Variants in ZC3H12B observed in about 807,000 individuals in gnomAD.
The protein encoded by ZC3H12B is probable ribonuclease ZC3H12B.
Under a neutral mutation model 43.9 loss-of-function variants are expected in ZC3H12B, and 7 were observed. The observed-to-expected ratio is 0.16, with a 90% CI of 0.09 to 0.30. The LOEUF (loss-of-function observed/expected upper bound fraction) is 0.30. ZC3H12B is among the 10% of genes least tolerant of loss of function. ZC3H12B has a pLI of 1.00. For synonymous variants in ZC3H12B, 222 were observed against 241.7 expected, an observed-to-expected ratio of 0.92 and a Z score of 0.76; for missense variants, 475 against 670.2, an observed-to-expected ratio of 0.71 and a Z score of 3.22.
the ZC3H12B span, among the ~76,000 whole-genome samples, chrX:65,153,394 A>G: frequency 2.8e-4 from 31 of 112,346 alleles, no homozygotes; most frequent in East Asian, 7.8e-3. Flanking sequence ...CAAGAAAAAA[A>G]CAACCCCATC....
the ZC3H12B span, among the ~76,000 whole-genome samples, chrX:65,094,866 C>T: frequency 8.9e-6 from 1 of 111,885 alleles, no homozygotes; most frequent in African/African-American, 3.2e-5. Flanking sequence ...GGAAAAAACA[C>T]TTGTGTGTTT....
intron 3 of ZC3H12B, among the ~76,000 whole-genome samples, chrX:65,403,429 A>T (rs1438190170): frequency 8.9e-6 from 1 of 112,039 alleles, no homozygotes; most frequent in Non-Finnish European, 1.9e-5. Context: ...ATAATAAAAG[A>T]GATATTTTCA....
intron 3 of ZC3H12B, among the ~76,000 whole-genome samples, chrX:65,417,244 G>A (rs1458589603): frequency 2.7e-5 from 3 of 111,121 alleles, no homozygotes; most frequent in South Asian, 7.5e-4. Flanking sequence ...TTATATAGTA[G>A]GTATTTTGTA....
At chrX:65,070,766 C>T in the ZC3H12B span, among the ~76,000 whole-genome samples, 1 of 100,070 alleles carries the variant, frequency 1.0e-5, no homozygotes, top group East Asian at 3.1e-4. Flanking sequence ...TTAGCCTTGA[C>T]TTCTATTTGT....
At chrX:65,052,626 G>A in the ZC3H12B span, among the ~76,000 whole-genome samples, 1 of 110,974 alleles carries the variant, frequency 9.0e-6, no homozygotes, top group Admixed American at 9.6e-5. Context: ...CTTTTTTGTG[G>A]TTGAGTAGTA....
chrX:65,315,970 A>G, the ZC3H12B span, among the ~76,000 whole-genome samples: 1 of 112,038 alleles, frequency 8.9e-6, no homozygotes, highest in African/African-American at 3.2e-5. Context: ...ATTTTTAAGA[A>G]AGAACCAAAC....
chrX:65,429,042 C>T (rs1294530581), intron 3 of ZC3H12B, among the ~76,000 whole-genome samples: 2 of 112,012 alleles, frequency 1.8e-5, no homozygotes, highest in Admixed American at 1.9e-4. Context: ...CCACTCCAGA[C>T]CCTAGTTGCC....
At chrX:65,321,801 A>G in the ZC3H12B span, among the ~76,000 whole-genome samples, 1 of 111,230 alleles carries the variant, frequency 9.0e-6, no homozygotes, top group African/African-American at 3.3e-5. Flanking sequence ...ACAGAAAAAC[A>G]AATGTCACAT....
chrX:65,493,033 G>A (rs1431159182), intron 1 of ZC3H12B, among the ~76,000 whole-genome samples: 2 of 111,268 alleles, frequency 1.8e-5, no homozygotes, highest in Admixed American at 1.9e-4. Context: ...AGCCCAGGGA[G>A]GTTGAGGCTG....
At chrX:65,495,661 C>A (rs1160002651) in intron 1 of ZC3H12B, among the ~76,000 whole-genome samples, 1 of 111,787 alleles carries the variant, frequency 8.9e-6, no homozygotes, top group African/African-American at 3.3e-5. Context: ...CACTAGATAC[C>A]ATGCTAAGAG....
At chrX:65,327,301 A>G in the ZC3H12B span, among the ~76,000 whole-genome samples, 1 of 111,595 alleles carries the variant, frequency 9.0e-6, no homozygotes, top group South Asian at 3.6e-4. Context: ...ATATCGATAT[A>G]TAGATATACA....
chrX:65,491,056 GA>G lies in ZC3H12B; in HGVS notation c.608+1653del, dbSNP rs749062178. Reference sequence around the variant, plus strand: ...CTCACAGCAACTTTATCTTACAGATGAAAAAATAAGGCTCAGCAAAGGTAAG... The same window carrying G: ...CTCACAGCAACTTTATCTTACAGATGAAAAATAAGGCTCAGCAAAGGTAAG... On this transcript the variant is annotated intron_variant, in intron 1 of 4. Coordinates refer to ENST00000338957, the Ensembl canonical transcript of ZC3H12B. Among the ~76,000 whole-genome samples the G allele has an allele frequency of 1.4e-3, 152 of 111,833 alleles. 1 individual carries two copies. The highest frequency in any genetic ancestry group is 4.8e-3 in the African/African-American group (149 of 30,808).
chrX:65,094,260 C>CTT, the ZC3H12B span, among the ~76,000 whole-genome samples: 26 of 96,594 alleles, frequency 2.7e-4, 1 homozygote, highest in South Asian at 9.5e-4. Context: ...AATTAAGCCT[C>CTT]TTTTTTTTTT....
the ZC3H12B span, among the ~76,000 whole-genome samples, chrX:65,233,371 CA>C: frequency 9.0e-6 from 1 of 110,623 alleles, no homozygotes; most frequent in Admixed American, 9.7e-5. Flanking sequence ...TTAAGTAATT[CA>C]AAAAAATTGA....
the ZC3H12B span, among the ~76,000 whole-genome samples, chrX:65,288,247 T>A: frequency 9.0e-6 from 1 of 110,544 alleles, no homozygotes; most frequent in African/African-American, 3.3e-5. Context: ...CTTATACCAA[T>A]CCTCCTGAAG....
the ZC3H12B span, among the ~76,000 whole-genome samples, chrX:65,069,118 C>G: frequency 9.2e-6 from 1 of 108,900 alleles, no homozygotes; most frequent in Non-Finnish European, 1.9e-5. Flanking sequence ...TCTTTGGGTT[C>G]AATCTGCTTG....
chrX:65,192,041 C>A, the ZC3H12B span, among the ~76,000 whole-genome samples: 4 of 109,787 alleles, frequency 3.6e-5, no homozygotes, highest in African/African-American at 1.3e-4. Context: ...TTTATTTCTG[C>A]CTTCATTTCA....
chrX:65,382,505 G>A (rs1275281031), intron 2 of ZC3H12B, among the ~76,000 whole-genome samples: 1 of 111,111 alleles, frequency 9.0e-6, no homozygotes, highest in East Asian at 2.8e-4. Flanking sequence ...CATACTGAAT[G>A]GGCAAAAACT....
the ZC3H12B span, among the ~76,000 whole-genome samples, chrX:65,215,592 A>G: frequency 9.0e-6 from 1 of 111,151 alleles, no homozygotes; most frequent in Non-Finnish European, 1.9e-5. Context: ...TGCTCGTTTG[A>G]TCTTCAATCC....
Sources: gnomAD v4.1 joint callset for allele counts (sites outside exome capture counted in the v4.1 genomes callset) on GRCh38, gnomAD v4.1.1 for gene constraint, MANE v1.5 for transcripts, NCBI Gene and HGNC (gene_info 2026-07-23, HGNC 2026-07-21) for gene names.